Variants in EPHA6 observed in about 807,000 individuals in gnomAD.
EPHA6 encodes EPH receptor A6, also known as ephrin type-A receptor 6.
A neutral mutation model predicts 112.0 loss-of-function variants in EPHA6; 50 were observed. The observed-to-expected ratio is 0.45, with a 90% CI of 0.36 to 0.56. The LOEUF (loss-of-function observed/expected upper bound fraction) is 0.56, where lower values mean the gene tolerates loss of function less well. Among genes scored for constraint, EPHA6 ranks in the 20% least tolerant of loss-of-function variants. The pLI is 0.00. For missense variants in EPHA6, 1,280 were observed against 1,417.4 expected, an observed-to-expected ratio of 0.90 and a Z score of 1.56; for synonymous variants, 529 against 490.7, an observed-to-expected ratio of 1.08 and a Z score of -1.03.
At chr3:97,420,382 T>C (rs929994235) in intron 6 of EPHA6, among the ~76,000 whole-genome samples, 3 of 151,940 alleles carry the variant, frequency 2.0e-5, no homozygotes, top group African/African-American at 7.2e-5. Flanking sequence ...ACAAATATTA[T>C]AGAGATTGGA....
At chr3:96,992,433 C>T (rs1200383220) in intron 3 of EPHA6, among the ~76,000 whole-genome samples, 1 of 152,116 alleles carries the variant, frequency 6.6e-6, no homozygotes, top group Non-Finnish European at 1.5e-5. Context: ...TCATTCTTTT[C>T]CTGTCTTATC....
intron 8 of EPHA6, among the ~76,000 whole-genome samples, chr3:97,478,018 T>G (rs1031282592): frequency 5.9e-5 from 9 of 152,110 alleles, no homozygotes; most frequent in African/African-American, 2.2e-4. Flanking sequence ...TTATTATACT[T>G]TAAGTTCTAG....
intron 3 of EPHA6, among the ~76,000 whole-genome samples, chr3:97,000,454 C>T (rs943158496): frequency 6.6e-6 from 1 of 151,452 alleles, no homozygotes; most frequent in African/African-American, 2.4e-5. Flanking sequence ...CAGAGCCTTA[C>T]AATGTAGAAG....
At chr3:97,032,568 T>C (rs549892677) in intron 3 of EPHA6, among the ~76,000 whole-genome samples, 1 of 152,162 alleles carries the variant, frequency 6.6e-6, no homozygotes, top group Admixed American at 6.6e-5. Context: ...ACAATTCCTA[T>C]TTTGTGTATT....
intron 10 of EPHA6, among the ~76,000 whole-genome samples, chr3:97,487,379 C>T (rs893105787): frequency 2.6e-5 from 4 of 152,148 alleles, no homozygotes; most frequent in Non-Finnish European, 5.9e-5. Flanking sequence ...AGCATGATAT[C>T]ACACCTGACC....
intron 3 of EPHA6, among the ~76,000 whole-genome samples, chr3:97,217,059 A>G (rs187689301): frequency 7.5e-4 from 115 of 152,328 alleles, no homozygotes; most frequent in African/African-American, 2.6e-3. Flanking sequence ...GGAAAGCCCT[A>G]CAATTTCCCC....
intron 2 of EPHA6, among the ~76,000 whole-genome samples, chr3:96,975,807 C>G (rs1026081413): frequency 4.6e-5 from 7 of 152,272 alleles, no homozygotes; most frequent in South Asian, 4.1e-4. Flanking sequence ...CCTTGTTCTA[C>G]TCATATAGGT....
intron 3 of EPHA6, among the ~76,000 whole-genome samples, chr3:97,048,790 A>G (rs1353194446): frequency 6.6e-6 from 1 of 152,216 alleles, no homozygotes; most frequent in East Asian, 1.9e-4. Flanking sequence ...GAGGAGAGAA[A>G]GATAATTAAC....
At chr3:97,256,002 C>CA (rs1209720929) in intron 5 of EPHA6, among the ~76,000 whole-genome samples, 1 of 151,830 alleles carries the variant, frequency 6.6e-6, no homozygotes, top group Admixed American at 6.6e-5. Context: ...GGATGAAATG[C>CA]AAAAAACAAT....
At chr3:97,620,616 C>T (rs2093806166) in intron 13 of EPHA6, among the ~76,000 whole-genome samples, 1 of 151,900 alleles carries the variant, frequency 6.6e-6, no homozygotes, top group South Asian at 2.1e-4. Flanking sequence ...AGGACATGAA[C>T]AGACATGTAA....
intron 3 of EPHA6, among the ~76,000 whole-genome samples, chr3:97,194,995 A>AT (rs1228945212): frequency 2.6e-5 from 4 of 151,434 alleles, no homozygotes; most frequent in South Asian, 2.1e-4. Flanking sequence ...ATTGGGTCTC[A>AT]TTTTTTTTGT....
chr3:97,435,085 C>A (rs745743028), intron 6 of EPHA6, among the ~76,000 whole-genome samples: 2 of 152,082 alleles, frequency 1.3e-5, no homozygotes, highest in Admixed American at 6.6e-5. Context: ...CAGCTCATCA[C>A]TTCTACCCTA....
chr3:97,256,485 A>G (rs2079318201), intron 5 of EPHA6, among the ~76,000 whole-genome samples: 1 of 152,040 alleles, frequency 6.6e-6, no homozygotes, highest in Non-Finnish European at 1.5e-5. Flanking sequence ...ACAACTAAGA[A>G]GACTAATTAT....
intron 3 of EPHA6, among the ~76,000 whole-genome samples, chr3:97,202,173 G>T (rs185738318): frequency 1.3e-5 from 2 of 151,908 alleles, no homozygotes; most frequent in East Asian, 3.9e-4. Context: ...CTTCATACCA[G>T]AAACTCCTTT....
intron 2 of EPHA6, among the ~76,000 whole-genome samples, chr3:96,930,740 C>T (rs2040270776): frequency 6.6e-6 from 1 of 151,872 alleles, no homozygotes; most frequent in Admixed American, 6.6e-5. Context: ...GCCTGTAATC[C>T]CGGAACTTTG....
intron 5 of EPHA6, among the ~76,000 whole-genome samples, chr3:97,297,571 C>T (rs2080918964): frequency 6.6e-6 from 1 of 151,938 alleles, no homozygotes; most frequent in East Asian, 1.9e-4. Context: ...ATATGAAGGT[C>T]CCAGAAGGTA....
intron 14 of EPHA6, among the ~76,000 whole-genome samples, chr3:97,655,985 T>TA (rs563087693): frequency 0.01 from 1,571 of 152,076 alleles, 23 homozygotes; most frequent in Non-Finnish European, 0.016. Flanking sequence ...GTTTTTTTTT[T>TA]ATTTTTCTTA....
At chr3:97,667,275 A>G (rs1438331343) in intron 14 of EPHA6, among the ~76,000 whole-genome samples, 1 of 152,374 alleles carries the variant, frequency 6.6e-6, no homozygotes, top group African/African-American at 2.4e-5. Flanking sequence ...TTCTCTCTGC[A>G]TATTAACATT....
intron 12 of EPHA6, among the ~76,000 whole-genome samples, chr3:97,604,152 G>A (rs1196378728): frequency 6.6e-6 from 1 of 151,700 alleles, no homozygotes; most frequent in African/African-American, 2.4e-5. Flanking sequence ...TACAAATGAG[G>A]AAATTAAATA....
Sources: allele counts gnomAD v4.1 joint callset (sites outside exome capture counted in the v4.1 genomes callset), GRCh38; gene constraint gnomAD v4.1.1; transcripts MANE v1.5; gene names NCBI Gene and HGNC (gene_info 2026-07-23, HGNC 2026-07-21).